The following RPS6KC1 variants were observed in gnomAD, a reference collection of about 807,000 sequenced individuals.
RPS6KC1 encodes inactive ribosomal protein S6 kinase delta-1.
A neutral mutation model predicts 103.8 loss-of-function variants in RPS6KC1; 54 were observed. That is an observed-to-expected ratio of 0.52 (90% CI 0.42 to 0.65). The LOEUF (loss-of-function observed/expected upper bound fraction) is 0.65, where lower values mean the gene tolerates loss of function less well. Ranked by LOEUF, RPS6KC1 falls within the 30% of genes least tolerant of loss-of-function variation. The pLI is 0.00. For synonymous variants in RPS6KC1, 439 were observed against 438.7 expected (o/e 1.00, Z -0.01); for missense variants, 1,151 against 1,253.8 (o/e 0.92, Z 1.24).
intron 4 of RPS6KC1, among the ~76,000 whole-genome samples, chr1:213,106,482 G>T (rs2148799062): frequency 6.6e-6 from 1 of 152,204 alleles, no homozygotes; most frequent in East Asian, 1.9e-4. Context: ...CATCTCATTG[G>T]CCAGAACAGG....
chr1:213,149,212 C>T (rs905518005), intron 6 of RPS6KC1, among the ~76,000 whole-genome samples: 9 of 151,984 alleles, frequency 5.9e-5, no homozygotes, highest in South Asian at 2.1e-4. Context: ...ATTTTGGGTT[C>T]GGTTTGCTCT....
intron 8 of RPS6KC1, among the ~76,000 whole-genome samples, chr1:213,205,758 C>T (rs1324866646): frequency 6.6e-6 from 1 of 150,514 alleles, no homozygotes; most frequent in South Asian, 2.1e-4. Flanking sequence ...ATTCTGTATC[C>T]CTATCAGTTA....
chr1:213,391,627 G>A, the RPS6KC1 span, among the ~76,000 whole-genome samples: 1 of 152,150 alleles, frequency 6.6e-6, no homozygotes, highest in South Asian at 2.1e-4. Flanking sequence ...GCCACTTACT[G>A]TTCAAACATC....
At chr1:213,426,295 G>C in the RPS6KC1 span, among the ~76,000 whole-genome samples, 2 of 152,168 alleles carry the variant, frequency 1.3e-5, no homozygotes, top group African/African-American at 2.4e-5. Flanking sequence ...ATGAAGTTGT[G>C]AGTCCTGGGG....
intron 4 of RPS6KC1, among the ~76,000 whole-genome samples, chr1:213,115,048 C>G (rs2083438918): frequency 1.3e-5 from 2 of 152,186 alleles, no homozygotes; most frequent in African/African-American, 4.8e-5. Context: ...GCTTTGGTAT[C>G]AGGATGATGC....
chr1:213,618,346 G>A, the RPS6KC1 span, among the ~76,000 whole-genome samples: 178 of 152,342 alleles, frequency 1.2e-3, 1 homozygote, highest in African/African-American at 4.1e-3. Context: ...ACTTTGGCAA[G>A]TATGGAGTGC....
the RPS6KC1 span, among the ~76,000 whole-genome samples, chr1:213,668,049 G>A: frequency 6.6e-6 from 1 of 152,104 alleles, no homozygotes; most frequent in African/African-American, 2.4e-5. Context: ...TCATCTATGA[G>A]CATTGGAATC....
chr1:213,582,466 GTCACCAGGA>G, the RPS6KC1 span, among the ~76,000 whole-genome samples: 1 of 152,134 alleles, frequency 6.6e-6, no homozygotes, highest in African/African-American at 2.4e-5. Flanking sequence ...GCTATCCTCT[GTCACCAGGA>G]TCACATTATC....
chr1:213,135,542 TTTTAAAA>T (rs1369269595), intron 6 of RPS6KC1, among the ~76,000 whole-genome samples: 1 of 152,202 alleles, frequency 6.6e-6, no homozygotes, highest in East Asian at 1.9e-4. Context: ...GCTTTTTCTG[TTTTAAAA>T]TAAAATGTGT....
chr1:213,213,530 C>T (rs1437857869), intron 8 of RPS6KC1, among the ~76,000 whole-genome samples: 1 of 152,138 alleles, frequency 6.6e-6, no homozygotes, highest in Non-Finnish European at 1.5e-5. Context: ...GTTAGCTATT[C>T]TGGGTCTTTT....
At chr1:213,630,442 G>A in the RPS6KC1 span, among the ~76,000 whole-genome samples, 1 of 152,110 alleles carries the variant, frequency 6.6e-6, no homozygotes, top group South Asian at 2.1e-4. Context: ...GGTCCTTTAA[G>A]GACTTCTCTG....
rs555182964 is a variant in RPS6KC1, at chr1:213,059,976, C to T, written c.105+8467C>T. 6.8e-4 allele frequency among the ~76,000 whole-genome samples: 103 copies of T among 152,124 alleles called. 1 individual carries two copies. The highest frequency in any genetic ancestry group is 2.0e-3 in the African/African-American group (84 of 41,518). On this transcript the variant is annotated intron_variant, in intron 1 of 14. Coordinates refer to ENST00000366960, the MANE Select transcript of RPS6KC1 (RefSeq NM_012424.6). ...GTGAGCCACTGCGCCTGGCCACACC[C>T]GGCTGATTTTTTTGTATTTTTAGTT... is the stretch of plus-strand genomic sequence containing the variant.
At chr1:213,796,050 G>T in the RPS6KC1 span, among the ~76,000 whole-genome samples, 1 of 152,112 alleles carries the variant, frequency 6.6e-6, no homozygotes, top group South Asian at 2.1e-4. Flanking sequence ...TTCACATTAC[G>T]GCCTGTAGTA....
At chr1:213,750,902 G>A in the RPS6KC1 span, among the ~76,000 whole-genome samples, 1 of 152,144 alleles carries the variant, frequency 6.6e-6, no homozygotes, top group Non-Finnish European at 1.5e-5. Flanking sequence ...AAACAGTCCT[G>A]ACAAAACAAC....
rs1456285693 is a variant in RPS6KC1, at chr1:213,273,362, G to C, written c.*728G>C. ...TTGTTCCCTCATATTCTGTTCTTCCGACTCCTGCTAACACACATGCAACAA... is the reference window on the plus strand; with the variant it reads ...TTGTTCCCTCATATTCTGTTCTTCCCACTCCTGCTAACACACATGCAACAA... On this transcript the variant is annotated 3_prime_UTR_variant, in exon 15 of 15. Transcript: ENST00000366960. 6.6e-6 allele frequency: 1 copy of C among 152,242 alleles called. No individual in the cohort carries two copies. The highest frequency in any genetic ancestry group is 6.6e-5 in the Admixed American group (1 of 15,246). The allele number at this position is 152,242 out of a possible 1,614,324, so 9.4% of individuals were successfully genotyped here.
chr1:213,213,200 T>C (rs2093562821), intron 8 of RPS6KC1, among the ~76,000 whole-genome samples: 1 of 152,222 alleles, frequency 6.6e-6, no homozygotes, highest in Non-Finnish European at 1.5e-5. Flanking sequence ...TTTAATAATT[T>C]TATATTTTAC....
the RPS6KC1 span, among the ~76,000 whole-genome samples, chr1:213,807,283 T>A: frequency 2.0e-5 from 3 of 152,334 alleles, no homozygotes; most frequent in Non-Finnish European, 4.4e-5. Context: ...TCGAGGAGTA[T>A]GTTTGTGGCG....
chr1:213,119,025 A>G (rs1006915644), intron 5 of RPS6KC1, among the ~76,000 whole-genome samples: 2 of 151,984 alleles, frequency 1.3e-5, no homozygotes, highest in Middle Eastern at 3.2e-3. Context: ...GTTTCCTCGG[A>G]AGGTGACTTT....
At chr1:213,580,149 C>G in the RPS6KC1 span, among the ~76,000 whole-genome samples, 1 of 151,958 alleles carries the variant, frequency 6.6e-6, no homozygotes, top group Non-Finnish European at 1.5e-5. Flanking sequence ...CTAGATGATG[C>G]CATAAAGAAC....
Sources: gnomAD v4.1 joint callset for allele counts (sites outside exome capture counted in the v4.1 genomes callset) on GRCh38, gnomAD v4.1.1 for gene constraint, MANE v1.5 for transcripts, NCBI Gene and HGNC (gene_info 2026-07-23, HGNC 2026-07-21) for gene names.